Variants in CIROZ observed in about 807,000 individuals in gnomAD.
The protein encoded by CIROZ is ciliated left-right organizer ZP-N domains-containing protein.
the CIROZ span, chr1:10,970,157 AAAGG>A: frequency 6.8e-4 from 909 of 1,332,006 alleles, 1 homozygote; most frequent in African/African-American, 5.8e-3. Flanking sequence ...AGGAAGGAAG[AAAGG>A]AAGGAAGGAA....
At chr1:10,956,929 A>G in the CIROZ span, 63,965 of 1,100,096 alleles carry the variant, frequency 0.058, 2,651 homozygotes, top group East Asian at 0.2. Context: ...GTGGGATGAG[A>G]CAGAGGGGAA....
chr1:10,975,865 C>T, the CIROZ span, among the ~76,000 whole-genome samples: 10 of 148,722 alleles, frequency 6.7e-5, no homozygotes, highest in East Asian at 3.9e-4. Flanking sequence ...AAGACAGGCC[C>T]GGCACACGAC....
the CIROZ span, chr1:10,969,974 C>A: frequency 6.5e-7 from 1 of 1,533,148 alleles, no homozygotes; most frequent in South Asian, 1.2e-5. Context: ...TCTTACCTGG[C>A]AAGTGCAAGG....
chr1:10,955,810 CT>C, the CIROZ span, among the ~76,000 whole-genome samples: 5 of 148,322 alleles, frequency 3.4e-5, no homozygotes, highest in Non-Finnish European at 7.4e-5. Context: ...CACCACTGCA[CT>C]CCCACCTGGG....
At chr1:10,949,737 G>A in the CIROZ span, 2 of 1,589,532 alleles carry the variant, frequency 1.3e-6, no homozygotes, top group South Asian at 1.1e-5. Flanking sequence ...CCCGCTGGAG[G>A]GGTCTCTGGT....
At chr1:10,952,009 CTT>C in the CIROZ span, among the ~76,000 whole-genome samples, 5 of 151,984 alleles carry the variant, frequency 3.3e-5, no homozygotes, top group African/African-American at 1.2e-4. Context: ...CTGTGTAAAA[CTT>C]TTTTCTTTAA....
chr1:10,964,902 A>G, the CIROZ span, among the ~76,000 whole-genome samples: 1 of 152,204 alleles, frequency 6.6e-6, no homozygotes, highest in African/African-American at 2.4e-5. Flanking sequence ...AAGTGCTGGG[A>G]TTACAGGCGT....
the CIROZ span, among the ~76,000 whole-genome samples, chr1:10,971,477 C>A: frequency 6.6e-6 from 1 of 152,052 alleles, no homozygotes; most frequent in Non-Finnish European, 1.5e-5. Context: ...CTTTTCTCTA[C>A]CTCAGGGCCT....
chr1:10,954,141 C>T, the CIROZ span: 64 of 1,611,142 alleles, frequency 4.0e-5, no homozygotes, highest in Non-Finnish European at 5.0e-5. Context: ...TTCTTGGCAT[C>T]GCTGTGGGGC....
the CIROZ span, chr1:10,949,654 G>A: frequency 6.2e-7 from 1 of 1,606,952 alleles, no homozygotes; most frequent in Non-Finnish European, 8.5e-7. Context: ...GCCGGTGCAG[G>A]AGGTCCCGAG....
At chr1:10,965,676 A>G in the CIROZ span, among the ~76,000 whole-genome samples, 2 of 152,116 alleles carry the variant, frequency 1.3e-5, no homozygotes, top group African/African-American at 4.8e-5. Flanking sequence ...CCTGGCCAAC[A>G]AGGTGAAACC....
At chr1:10,963,702 A>T in the CIROZ span, among the ~76,000 whole-genome samples, 4 of 151,914 alleles carry the variant, frequency 2.6e-5, no homozygotes, top group African/African-American at 9.7e-5. Context: ...ACCTGATCGT[A>T]CCTGGGGTCT....
the CIROZ span, among the ~76,000 whole-genome samples, chr1:10,975,106 T>C: frequency 6.6e-6 from 1 of 151,972 alleles, no homozygotes; most frequent in Non-Finnish European, 1.5e-5. Context: ...ACCCCGCCTC[T>C]ACTAAAAATA....
the CIROZ span, among the ~76,000 whole-genome samples, chr1:10,966,710 C>T: frequency 2.6e-5 from 4 of 152,308 alleles, no homozygotes; most frequent in Admixed American, 6.5e-5. Flanking sequence ...CATCTCCCCA[C>T]GTGAATCCTC....
chr1:10,982,024 G>C, the CIROZ span: 1 of 1,537,188 alleles, frequency 6.5e-7, no homozygotes, highest in Non-Finnish European at 8.7e-7. Context: ...GGCAAGTGCT[G>C]GGGACCCCCA....
chr1:10,950,409 C>A, the CIROZ span, among the ~76,000 whole-genome samples: 1 of 152,178 alleles, frequency 6.6e-6, no homozygotes, highest in African/African-American at 2.4e-5. Flanking sequence ...GTCCCAGCTT[C>A]AATGCCACCA....
the CIROZ span, among the ~76,000 whole-genome samples, chr1:10,950,958 A>G: frequency 2.0e-5 from 3 of 152,292 alleles, no homozygotes; most frequent in African/African-American, 7.2e-5. Context: ...CTCCACTTAG[A>G]GGGACCTGGT....
chr1:10,955,075 A>G, the CIROZ span: 2 of 1,613,976 alleles, frequency 1.2e-6, no homozygotes, highest in Non-Finnish European at 1.7e-6. Context: ...GGACTGGTGG[A>G]CTCGGAGGAA....
At chr1:10,966,183 G>A in the CIROZ span, among the ~76,000 whole-genome samples, 55 of 152,214 alleles carry the variant, frequency 3.6e-4, no homozygotes, top group South Asian at 1.5e-3. Context: ...TGAGCTGGGC[G>A]GCCTTTTAAT....
Sources: allele counts gnomAD v4.1 joint callset (sites outside exome capture counted in the v4.1 genomes callset), GRCh38; gene constraint gnomAD v4.1.1; transcripts MANE v1.5; gene names NCBI Gene and HGNC (gene_info 2026-07-23, HGNC 2026-07-21).